Variants in CADM1 observed in about 807,000 individuals in gnomAD.
CADM1 encodes the protein TSLC-1.
In CADM1, 15 loss-of-function variants were observed where a neutral mutation model predicts 53.1. That is an observed-to-expected ratio of 0.28 (90% CI 0.19 to 0.44). The LOEUF is 0.44. CADM1 is among the 20% of genes least tolerant of loss of function. The probability of loss-of-function intolerance (pLI) is 1.00; values close to 1 mark genes in which losing one functional copy is unlikely to be tolerated. For synonymous variants in CADM1, 281 were observed against 243.0 expected (o/e 1.16, Z -1.45); for missense variants, 434 against 611.3 (o/e 0.71, Z 3.06).
chr11:115,276,073 A>G (rs1426828969), intron 1 of CADM1, among the ~76,000 whole-genome samples: 1 of 152,226 alleles, frequency 6.6e-6, no homozygotes, highest in Non-Finnish European at 1.5e-5. Context: ...GATGTGTTTT[A>G]TCATTACCCA....
At chr11:115,307,258 A>G (rs2135151314) in intron 1 of CADM1, among the ~76,000 whole-genome samples, 1 of 152,102 alleles carries the variant, frequency 6.6e-6, no homozygotes, top group African/African-American at 2.4e-5. Context: ...CAGCATTTAC[A>G]ATTACAAGAG....
intron 1 of CADM1, among the ~76,000 whole-genome samples, chr11:115,320,399 A>T (rs1344128951): frequency 6.6e-6 from 1 of 152,176 alleles, no homozygotes; most frequent in East Asian, 1.9e-4. Flanking sequence ...ATCTAGTTCT[A>T]TAAAGAAATG....
At chr11:115,281,288 C>T (rs1444142570) in intron 1 of CADM1, among the ~76,000 whole-genome samples, 1 of 152,118 alleles carries the variant, frequency 6.6e-6, no homozygotes, top group Non-Finnish European at 1.5e-5. Context: ...ACAGGGAATG[C>T]CCAGGAACTC....
chr11:115,234,393 G>A (rs972105839), intron 3 of CADM1, among the ~76,000 whole-genome samples: 10 of 152,152 alleles, frequency 6.6e-5, no homozygotes, highest in African/African-American at 2.2e-4. Context: ...TCGTTTGGGG[G>A]CTGAGATCCT....
At chr11:115,203,806 T>C (rs576065322) in intron 8 of CADM1, among the ~76,000 whole-genome samples, 9 of 152,218 alleles carry the variant, frequency 5.9e-5, no homozygotes, top group African/African-American at 2.2e-4. Flanking sequence ...TAAATCAATA[T>C]AGGTCAAAAG....
At chr11:115,256,088 A>G (rs1056023694) in intron 1 of CADM1, among the ~76,000 whole-genome samples, 1 of 152,196 alleles carries the variant, frequency 6.6e-6, no homozygotes, top group Non-Finnish European at 1.5e-5. Flanking sequence ...TGAAGACAAA[A>G]ACAGCAAATA....
intron 1 of CADM1, among the ~76,000 whole-genome samples, chr11:115,300,563 C>T (rs1024430383): frequency 2.0e-5 from 3 of 152,084 alleles, no homozygotes; most frequent in Non-Finnish European, 2.9e-5. Context: ...CACATACTAT[C>T]GAAATTCTGT....
intron 10 of CADM1, among the ~76,000 whole-genome samples, chr11:115,180,478 C>T (rs1031952636): frequency 6.6e-6 from 1 of 152,074 alleles, no homozygotes; most frequent in Non-Finnish European, 1.5e-5. Context: ...CTGAGCTGAG[C>T]GAGCCCCTCC....
At chr11:115,319,975 G>A (rs1436392032) in intron 1 of CADM1, among the ~76,000 whole-genome samples, 1 of 152,112 alleles carries the variant, frequency 6.6e-6, no homozygotes, top group African/African-American at 2.4e-5. Context: ...ATTAAACAGA[G>A]CTACAAAAAA....
At chr11:115,213,248 A>C (rs966738028) in intron 7 of CADM1, among the ~76,000 whole-genome samples, 3 of 152,202 alleles carry the variant, frequency 2.0e-5, no homozygotes, top group Non-Finnish European at 4.4e-5. Context: ...CAGTCTGTGG[A>C]AAGAGGTGGC....
chr11:115,211,654 A>ATTT lies in CADM1; in HGVS notation c.995-2000_995-1998dup, dbSNP rs368847838. Among the ~76,000 whole-genome samples, 281 of 128,972 alleles carry ATTT rather than the reference A, an allele frequency of 2.2e-3. 5 individuals are homozygous for ATTT. The highest frequency in any genetic ancestry group is 0.013 in the East Asian group (55 of 4,326). The allele number at this position is 128,972 out of a possible 152,430, so 84.6% of individuals were successfully genotyped here. ...GCCACCACACCCAGCTAATTTTTGTATTTTTTTTTTTTTTTTAGTAGAGAC... is the reference window on the plus strand; with the variant it reads ...GCCACCACACCCAGCTAATTTTTGTATTTTTTTTTTTTTTTTTTTAGTAGAGAC... On this transcript the variant is annotated intron_variant, in intron 7 of 11. Coordinates refer to ENST00000331581, the MANE Select transcript of CADM1 (RefSeq NM_001301043.2).
chr11:115,455,663 A>G (rs891576211), intron 1 of CADM1, among the ~76,000 whole-genome samples: 1 of 152,138 alleles, frequency 6.6e-6, no homozygotes, highest in East Asian at 1.9e-4. Flanking sequence ...TAACTAAACA[A>G]AACAACTTTA....
chr11:115,504,309 AGAAGCC>A lies in CADM1; in HGVS notation c.80_85del (p.Arg27_Leu28del), dbSNP rs1259094769. On this transcript the variant is annotated inframe_deletion, in exon 1 of 12. Transcript: ENST00000331581. Reference sequence around the variant, plus strand: ...TGCCGCGGCGGAGAAGAGCAACAGCAGAAGCCGGAGCCGGAGCCCGGGAGGCGCCGC... The same window carrying A: ...TGCCGCGGCGGAGAAGAGCAACAGCAGGAGCCGGAGCCCGGGAGGCGCCGC... 1.1e-4 allele frequency: 164 copies of A among 1,561,312 alleles called. No homozygotes were observed. The highest frequency in any genetic ancestry group is 1.7e-4 in the Middle Eastern group (1 of 5,986).
chr11:115,205,920 C>T (rs910893145), intron 8 of CADM1, among the ~76,000 whole-genome samples: 4 of 152,302 alleles, frequency 2.6e-5, no homozygotes, highest in Middle Eastern at 3.4e-3. Flanking sequence ...AATACAGATG[C>T]TCCTTGACTT....
intron 1 of CADM1, among the ~76,000 whole-genome samples, chr11:115,297,638 A>C (rs72996014): frequency 6.3e-4 from 96 of 152,368 alleles, no homozygotes; most frequent in Non-Finnish European, 1.2e-3. Flanking sequence ...GAAATATTTC[A>C]GCATCCATTA....
intron 5 of CADM1, among the ~76,000 whole-genome samples, chr11:115,218,634 T>C (rs909551849): frequency 6.6e-6 from 1 of 152,150 alleles, no homozygotes; most frequent in Non-Finnish European, 1.5e-5. Flanking sequence ...GGAACTCTGG[T>C]ACCCACAGAT....
intron 1 of CADM1, among the ~76,000 whole-genome samples, chr11:115,267,015 T>C (rs924055326): frequency 3.8e-4 from 58 of 152,234 alleles, no homozygotes; most frequent in African/African-American, 1.2e-3. Context: ...CATGAGTAGA[T>C]CGACAGCCCT....
intron 1 of CADM1, among the ~76,000 whole-genome samples, chr11:115,335,468 T>C (rs1025688411): frequency 2.0e-5 from 3 of 152,128 alleles, no homozygotes; most frequent in Non-Finnish European, 2.9e-5. Flanking sequence ...TATATATAGT[T>C]GTAAAAGGAA....
intron 8 of CADM1, among the ~76,000 whole-genome samples, chr11:115,203,266 G>A (rs1053127798): frequency 3.9e-5 from 6 of 152,076 alleles, no homozygotes; most frequent in Non-Finnish European, 8.8e-5. Context: ...CAAAATAATA[G>A]GAATCTGTAT....
Sources: gnomAD v4.1 joint callset for allele counts (sites outside exome capture counted in the v4.1 genomes callset) on GRCh38, gnomAD v4.1.1 for gene constraint, MANE v1.5 for transcripts, NCBI Gene and HGNC (gene_info 2026-07-23, HGNC 2026-07-21) for gene names.